The following NBEAL1 variants were observed in gnomAD, a reference collection of about 807,000 sequenced individuals.
The protein encoded by NBEAL1 is neurobeachin-like protein 1.
NBEAL1 carries 273 observed loss-of-function variants against 351.3 expected under a neutral mutation model. That is an observed-to-expected ratio of 0.78 (90% CI 0.70 to 0.86). The LOEUF (loss-of-function observed/expected upper bound fraction) is 0.86. Ranked by LOEUF, NBEAL1 falls within the 40% of genes least tolerant of loss-of-function variation. The probability of loss-of-function intolerance (pLI) is 0.00; values close to 1 mark genes in which losing one functional copy is unlikely to be tolerated. For missense variants in NBEAL1, 2,961 were observed against 3,201.3 expected, an observed-to-expected ratio of 0.92 and a Z score of 1.81; for synonymous variants, 1,050 against 1,086.4, an observed-to-expected ratio of 0.97 and a Z score of 0.66.
At chr2:203,115,305 T>A (rs181998034) in intron 17 of NBEAL1, among the ~76,000 whole-genome samples, 2 of 151,702 alleles carry the variant, frequency 1.3e-5, no homozygotes, top group African/African-American at 4.8e-5. Context: ...GTATTTTTAG[T>A]AGACGTGGGG....
intron 55 of NBEAL1, among the ~76,000 whole-genome samples, chr2:203,215,976 A>G (rs1213206049): frequency 2.7e-5 from 4 of 148,566 alleles, no homozygotes; most frequent in Non-Finnish European, 4.4e-5. Context: ...GCACCACTGC[A>G]CTACAGTGTG....
At chr2:203,148,321 T>G (rs982489774) in intron 33 of NBEAL1, among the ~76,000 whole-genome samples, 2 of 152,052 alleles carry the variant, frequency 1.3e-5, no homozygotes, top group African/African-American at 4.8e-5. Context: ...GAAAATTAGC[T>G]CAGAAAAGCT....
At chr2:203,087,861 A>T (rs2061996631) in intron 10 of NBEAL1, among the ~76,000 whole-genome samples, 1 of 152,168 alleles carries the variant, frequency 6.6e-6, no homozygotes, top group African/African-American at 2.4e-5. Context: ...ATCATTAGGT[A>T]TTTGGCACAC....
intron 41 of NBEAL1, among the ~76,000 whole-genome samples, chr2:203,174,661 G>A (rs1482817537): frequency 6.6e-6 from 1 of 151,968 alleles, no homozygotes; most frequent in African/African-American, 2.4e-5. Flanking sequence ...GGGAGGCTGA[G>A]GCAGGTGGAT....
chr2:203,032,943 G>A (rs2060975038), intron 2 of NBEAL1, among the ~76,000 whole-genome samples: 1 of 151,458 alleles, frequency 6.6e-6, no homozygotes, highest in Non-Finnish European at 1.5e-5. Context: ...GGGATTACAG[G>A]CATGATCCAC....
intron 4 of NBEAL1, among the ~76,000 whole-genome samples, chr2:203,055,340 C>G (rs535291429): frequency 6.6e-5 from 10 of 152,136 alleles, no homozygotes; most frequent in African/African-American, 1.7e-4. Flanking sequence ...TGGTGGCTGA[C>G]ACCTGTAATC....
At chr2:203,143,296 T>G (rs2106333239) in intron 31 of NBEAL1, among the ~76,000 whole-genome samples, 1 of 152,354 alleles carries the variant, frequency 6.6e-6, no homozygotes, top group African/African-American at 2.4e-5. Flanking sequence ...TTTCTTTGTC[T>G]GGGCTTGTGC....
intron 31 of NBEAL1, among the ~76,000 whole-genome samples, chr2:203,142,242 G>C (rs376309658): frequency 6.6e-6 from 1 of 152,094 alleles, no homozygotes; most frequent in African/African-American, 2.4e-5. Flanking sequence ...TGCAACCTCC[G>C]CCTCCTGGGT....
In NBEAL1 at chr2:203,126,799, C is replaced by A. The variant is rs998464494; in HGVS notation, c.3146-25C>A. On this transcript the variant is annotated intron_variant, in intron 22 of 55. Coordinates refer to ENST00000683969, the MANE Select transcript of NBEAL1 (RefSeq NM_001378026.1). ...TATTGACTTTATTTTAGCTGAATTA[C>A]TTACCATTGAACTTTTTATTTTAGG... The A allele has an allele frequency of 1.6e-5, 24 of 1,539,508 alleles. No individual in the cohort carries two copies. In the African/African-American group the frequency reaches 2.9e-4, roughly 19 times the overall value.
chr2:203,020,362 TAA>T (rs2105990507), intron 2 of NBEAL1, among the ~76,000 whole-genome samples: 1 of 152,300 alleles, frequency 6.6e-6, no homozygotes, highest in South Asian at 2.1e-4. Context: ...CACCAGTGTA[TAA>T]GACTATTAAT....
chr2:203,087,435 CT>C, intron 10 of NBEAL1, among the ~76,000 whole-genome samples: 1 of 152,118 alleles, frequency 6.6e-6, no homozygotes, highest in East Asian at 1.9e-4. Context: ...AAAACTATCT[CT>C]TTGATACATC....
At chr2:203,072,769 G>A (rs930097538) in intron 7 of NBEAL1, among the ~76,000 whole-genome samples, 1 of 152,100 alleles carries the variant, frequency 6.6e-6, no homozygotes, top group Non-Finnish European at 1.5e-5. Context: ...TTTCCAGCAT[G>A]CACCTCAAAA....
chr2:203,075,185 T>G (rs1574934456), intron 7 of NBEAL1: 2 of 152,212 alleles, frequency 1.3e-5, no homozygotes, highest in African/African-American at 4.8e-5. Context: ...TTCATTACTT[T>G]CTAATATATT....
In NBEAL1 at chr2:203,188,528, T is replaced by C; in HGVS notation, c.6762T>C (p.Tyr2254=). The change falls in exon 45 of 56, where the codon TAT becomes TAC. Residue 2254 remains tyrosine, a synonymous_variant. Transcript: ENST00000683969. ...LHEWIDLIFG[Y]KQRGPAAVEA... ...AATGGATAGATCTGATCTTTGGCTA[T>C]AAACAGAGGGGACCAGCTGCAGTAG... is the stretch of plus-strand genomic sequence containing the variant. The C allele has an allele frequency of 6.2e-7, 1 of 1,610,064 alleles. No individual in the cohort carries two copies. Among genetic ancestry groups the C allele is most frequent in the African/African-American group, 1.3e-5 (1 of 74,998 alleles).
intron 38 of NBEAL1, 57 bp downstream of exon 38, chr2:203,167,417 T>C: frequency 6.7e-7 from 1 of 1,495,254 alleles, no homozygotes; most frequent in Non-Finnish European, 9.0e-7. Flanking sequence ...CGTTTCCAGC[T>C]AGTGAGCTCT....
intron 36 of NBEAL1, among the ~76,000 whole-genome samples, chr2:203,161,415 G>C (rs2063954716): frequency 6.6e-6 from 1 of 151,258 alleles, no homozygotes; most frequent in Admixed American, 6.6e-5. Flanking sequence ...TGGATCACAA[G>C]GTTAGGAGAT....
At chr2:203,086,984 A>G (rs1489158814) in intron 10 of NBEAL1, among the ~76,000 whole-genome samples, 2 of 152,072 alleles carry the variant, frequency 1.3e-5, no homozygotes, top group Non-Finnish European at 2.9e-5. Context: ...CGTTTTTTAA[A>G]CATTTCTCAA....
intron 10 of NBEAL1, among the ~76,000 whole-genome samples, chr2:203,096,619 T>C (rs1445718405): frequency 6.6e-6 from 1 of 152,224 alleles, no homozygotes; most frequent in Non-Finnish European, 1.5e-5. Context: ...CTAGAGATAA[T>C]CTCAATTTTC....
At chr2:203,032,239 C>G (rs2060960363) in intron 2 of NBEAL1, among the ~76,000 whole-genome samples, 1 of 152,142 alleles carries the variant, frequency 6.6e-6, no homozygotes, top group South Asian at 2.1e-4. Context: ...GAAGCACCAA[C>G]CTGAGCCACT....
Sources: allele counts gnomAD v4.1 joint callset (sites outside exome capture counted in the v4.1 genomes callset), GRCh38; gene constraint gnomAD v4.1.1; transcripts MANE v1.5; gene names NCBI Gene and HGNC (gene_info 2026-07-23, HGNC 2026-07-21).